INPP5F: variants seen among roughly 807,000 people sequenced by gnomAD.
The protein encoded by INPP5F is inositol polyphosphate-5-phosphatase F, also known as phosphatidylinositide 4-phosphatase SAC2.
Under a neutral mutation model 137.2 loss-of-function variants are expected in INPP5F, and 97 were observed. The ratio of observed to expected loss-of-function variants is 0.71; its 90% CI spans 0.60 to 0.84. INPP5F has a LOEUF of 0.84. Ranked by LOEUF, INPP5F falls within the 40% of genes least tolerant of loss-of-function variation. The pLI, the probability that INPP5F is intolerant of heterozygous loss-of-function variation, is 0.00. For synonymous variants in INPP5F, 504 were observed against 476.9 expected (o/e 1.06, Z -0.74); for missense variants, 1,271 against 1,371.9 (o/e 0.93, Z 1.16).
chr10:119,786,665 C>T (rs1849928675), intron 3 of INPP5F, among the ~76,000 whole-genome samples: 1 of 151,834 alleles, frequency 6.6e-6, no homozygotes, highest in African/African-American at 2.4e-5. Flanking sequence ...GCATGTGCCA[C>T]CACCCCCTGC....
intron 1 of INPP5F, among the ~76,000 whole-genome samples, chr10:119,742,132 G>A (rs1180174420): frequency 7.0e-6 from 1 of 143,122 alleles, no homozygotes; most frequent in African/African-American, 2.6e-5. Flanking sequence ...CCCGACGACA[G>A]CTTTTTATTT....
chr10:119,809,226 C>CAAAA lies in INPP5F; in HGVS notation c.1570-856_1570-853dup, dbSNP rs71019722. Among the ~76,000 whole-genome samples the CAAAA allele has an allele frequency of 7.1e-4, 42 of 58,796 alleles. 2 individuals are homozygous for CAAAA. Among genetic ancestry groups the CAAAA allele is most frequent in the African/African-American group, 2.3e-3 (36 of 15,436 alleles). 38.6% of individuals were successfully genotyped at this position (58,796 alleles called of 152,430 possible). A position where few individuals can be genotyped will look rare whatever the true frequency, so the allele number is the denominator to read the frequency against. ...TGGGCGACAGAGCGAGACTCTGTCT[C>CAAAA]AAAAAAAAAAAAAAAAAAAAAGCCT... On this transcript the variant is annotated intron_variant, in intron 13 of 19. Coordinates refer to ENST00000650623, the MANE Select transcript of INPP5F (RefSeq NM_014937.4).
chr10:119,727,673 C>G (rs1210321160), intron 1 of INPP5F, among the ~76,000 whole-genome samples: 1 of 152,206 alleles, frequency 6.6e-6, no homozygotes, highest in Non-Finnish European at 1.5e-5. Flanking sequence ...TATTTTCTTG[C>G]TATTACGTTG....
chr10:119,786,096 G>A (rs1849904137), intron 3 of INPP5F, among the ~76,000 whole-genome samples: 1 of 152,130 alleles, frequency 6.6e-6, no homozygotes, highest in African/African-American at 2.4e-5. Flanking sequence ...GATGGATGTA[G>A]GTACCAGCTT....
At chr10:119,767,118 A>AAAAAAC (rs1849192675) in intron 2 of INPP5F, among the ~76,000 whole-genome samples, 1 of 149,510 alleles carries the variant, frequency 6.7e-6, no homozygotes, top group Admixed American at 6.7e-5. Context: ...AAAAAAAAAA[A>AAAAAAC]AAAAAAAAAA....
intron 1 of INPP5F, among the ~76,000 whole-genome samples, chr10:119,729,152 C>T (rs1671876862): frequency 6.9e-6 from 1 of 144,686 alleles, no homozygotes. Flanking sequence ...GGGGAAAGGG[C>T]GGGGCGGGCA....
intron 2 of INPP5F, 51 bp downstream of exon 2, chr10:119,751,207 T>C: frequency 8.7e-7 from 1 of 1,153,994 alleles, no homozygotes; most frequent in Non-Finnish European, 1.3e-6. Flanking sequence ...TAGCATTTTT[T>C]GGTGTTTTCC....
Position 119,827,088 on chromosome 10 carries a change from A to G in INPP5F, c.2707A>G (p.Ser903Gly). The G allele has an allele frequency of 1.2e-6, 2 of 1,614,212 alleles. No homozygotes were observed. The highest frequency in any genetic ancestry group is 1.1e-5 in the South Asian group (1 of 91,084). Reference protein sequence around the residue: ...GIIASAPRLGSRSQSLSSTDS... With the variant: ...GIIASAPRLGGRSQSLSSTDS... ...TATTGCCTCAGCGCCTCGATTGGGC[A>G]GTCGGTCCCAGTCTCTTAGCAGCAC... The change falls in exon 20 of 20, where the codon AGT becomes GGT. Residue 903 changes from serine (S) to glycine (G), a missense_variant. Physicochemically the swap from Ser to Gly is moderately conservative, Grantham distance 56. This residue lies in a region of INPP5F where 490 missense variants were observed against 443.7 expected (regional missense o/e 1.10). Transcript: ENST00000650623.
At chr10:119,817,313 T>G (rs1277648650) in intron 15 of INPP5F, among the ~76,000 whole-genome samples, 2 of 152,256 alleles carry the variant, frequency 1.3e-5, no homozygotes, top group Non-Finnish European at 2.9e-5. Context: ...GGTTTTCATT[T>G]GAACACCTGT....
intron 3 of INPP5F, among the ~76,000 whole-genome samples, chr10:119,789,762 G>C (rs1850070824): frequency 6.6e-6 from 1 of 151,936 alleles, no homozygotes; most frequent in Non-Finnish European, 1.5e-5. Context: ...GAATCCATGA[G>C]TCTGGATGAA....
intron 2 of INPP5F, among the ~76,000 whole-genome samples, chr10:119,772,526 T>C (rs1345840258): frequency 6.6e-6 from 1 of 152,246 alleles, no homozygotes; most frequent in Non-Finnish European, 1.5e-5. Context: ...CACCCAGATA[T>C]GTTTCATTTT....
At chr10:119,811,191 A>G (rs1418123574) in intron 14 of INPP5F, among the ~76,000 whole-genome samples, 1 of 152,182 alleles carries the variant, frequency 6.6e-6, no homozygotes, top group Non-Finnish European at 1.5e-5. Context: ...GAGATCTTCA[A>G]GGTTGAGAGA....
intron 6 of INPP5F, among the ~76,000 whole-genome samples, chr10:119,795,542 T>G (rs1850342852): frequency 1.3e-5 from 2 of 150,172 alleles, no homozygotes; most frequent in Non-Finnish European, 3.0e-5. Flanking sequence ...GAGGCGCTCC[T>G]CACTTCCTAG....
At chr10:119,758,031 G>T (rs2134136385) in intron 2 of INPP5F, among the ~76,000 whole-genome samples, 1 of 152,276 alleles carries the variant, frequency 6.6e-6, no homozygotes, top group East Asian at 1.9e-4. Context: ...GTGTCCCATG[G>T]CCTGTACTCA....
intron 15 of INPP5F, 43 bp downstream of exon 15, chr10:119,811,998 T>G: frequency 6.8e-7 from 1 of 1,468,462 alleles, no homozygotes; most frequent in Non-Finnish European, 9.5e-7. Context: ...GCTTAACTGA[T>G]GTTGGGAAGT....
intron 2 of INPP5F, among the ~76,000 whole-genome samples, chr10:119,779,405 A>T (rs1849632527): frequency 6.6e-6 from 1 of 151,920 alleles, no homozygotes; most frequent in Non-Finnish European, 1.5e-5. Context: ...CTTTTTTAAA[A>T]ATTTTTTTGG....
At position 119,787,002 on chromosome 10, in the gene INPP5F, G is replaced by T. The variant is rs1849943577; in HGVS notation, c.316-4515G>T. Among the ~76,000 whole-genome samples, 1 of 152,010 alleles carries T rather than the reference G, an allele frequency of 6.6e-6. No homozygotes were observed. Among genetic ancestry groups the T allele is most frequent in the African/African-American group, 2.4e-5 (1 of 41,372 alleles). On this transcript the variant is annotated intron_variant, in intron 3 of 19. Transcript: ENST00000650623. The surrounding 1 kb of genome is among the most constrained non-coding windows in gnomAD (Gnocchi z 4.1). ...TGGGGTTTTCAAAAGGTTATTCCCTGTATTTTCTACCCTCTAAAGTGGTTC... is the reference window on the plus strand; with the variant it reads ...TGGGGTTTTCAAAAGGTTATTCCCTTTATTTTCTACCCTCTAAAGTGGTTC...
intron 2 of INPP5F, among the ~76,000 whole-genome samples, chr10:119,777,323 T>C (rs1478056207): frequency 6.6e-6 from 1 of 151,952 alleles, no homozygotes; most frequent in African/African-American, 2.4e-5. Flanking sequence ...GCCTGGCCAA[T>C]ATGGTGAAAT....
intron 15 of INPP5F, chr10:119,815,707 G>T (rs556859501): frequency 7.9e-6 from 2 of 254,406 alleles, no homozygotes; most frequent in East Asian, 9.5e-5. Flanking sequence ...AGGGAATGAC[G>T]TGTTAATTGT....
Sources: allele counts gnomAD v4.1 joint callset (sites outside exome capture counted in the v4.1 genomes callset), GRCh38; gene constraint gnomAD v4.1.1; regional missense constraint gnomAD v4.1.1; non-coding constraint Gnocchi (gnomAD v3.1); transcripts MANE v1.5; gene names NCBI Gene and HGNC (gene_info 2026-07-23, HGNC 2026-07-21).